Variants in FBN2 observed in about 807,000 individuals in gnomAD.
FBN2 encodes fibrillin-2.
In FBN2, 105 loss-of-function variants were observed where a neutral mutation model predicts 355.6. The ratio of observed to expected loss-of-function variants is 0.30; its 90% CI spans 0.25 to 0.35. The LOEUF is 0.35. Ranked by LOEUF, FBN2 falls within the 10% of genes least tolerant of loss-of-function variation. The pLI is 1.00. For synonymous variants in FBN2, 1,350 were observed against 1,301.2 expected (o/e 1.04, Z -0.81); for missense variants, 3,280 against 3,758.7 (o/e 0.87, Z 3.33).
intron 8 of FBN2, among the ~76,000 whole-genome samples, chr5:128,405,323 T>C (rs1263487253): frequency 6.6e-6 from 1 of 152,108 alleles, no homozygotes; most frequent in African/African-American, 2.4e-5. Flanking sequence ...CATGGCAGTG[T>C]GGTCTTGTAC....
intron 5 of FBN2, among the ~76,000 whole-genome samples, chr5:128,483,665 TG>T (rs1191484095): frequency 6.6e-6 from 1 of 152,046 alleles, no homozygotes; most frequent in Non-Finnish European, 1.5e-5. Flanking sequence ...ACACGTAAAA[TG>T]TAATGACTTT....
chr5:128,281,612 C>A (rs554603923), intron 55 of FBN2, among the ~76,000 whole-genome samples: 1 of 152,084 alleles, frequency 6.6e-6, no homozygotes, highest in Admixed American at 6.6e-5. Flanking sequence ...TCTTGGCTCA[C>A]CATTGGTCCA....
At chr5:128,306,656 GAGGAAGGAAGC>G (rs1468523939) in intron 42 of FBN2, among the ~76,000 whole-genome samples, 1 of 152,034 alleles carries the variant, frequency 6.6e-6, no homozygotes, top group Non-Finnish European at 1.5e-5. Flanking sequence ...TCAAATCTTT[GAGGAAGGAAGC>G]TAGAGTGAGC....
chr5:128,290,776 T>C lies in FBN2; in HGVS notation c.6401A>G (p.Glu2134Gly). 1 of 1,614,160 alleles carries C rather than the reference T, an allele frequency of 6.2e-7. No individual in the cohort carries two copies. Among genetic ancestry groups the C allele is most frequent in the Non-Finnish European group, 8.5e-7 (1 of 1,179,980 alleles). Reference sequence around the variant, plus strand: ...CAGCTCACAGGGGTCCCCCCAGCCCTCTCCTGGCATCTTACTACAGCAGCA... The same window carrying C: ...CAGCTCACAGGGGTCCCCCCAGCCCCCTCCTGGCATCTTACTACAGCAGCA... ...AKCCCSKMPG[E>G]GWGDPCELCP... Residue 2134 changes from glutamate to glycine, a missense_variant, in exon 50 of 65, where the codon GAG (glutamate) becomes GGG (glycine). Transcript: ENST00000262464.
intron 15 of FBN2, among the ~76,000 whole-genome samples, chr5:128,369,984 G>T (rs1222114878): frequency 6.6e-6 from 1 of 152,058 alleles, no homozygotes; most frequent in Admixed American, 6.6e-5. Flanking sequence ...TGGTCATTAC[G>T]TGCATTTTAT....
intron 6 of FBN2, among the ~76,000 whole-genome samples, chr5:128,463,514 G>A (rs1306499607): frequency 1.3e-5 from 2 of 151,906 alleles, no homozygotes; most frequent in East Asian, 1.9e-4. Context: ...TCCGTAGTTC[G>A]GATTCAAAAT....
intron 2 of FBN2, among the ~76,000 whole-genome samples, chr5:128,531,166 A>G (rs533569069): frequency 6.6e-6 from 1 of 152,258 alleles, no homozygotes; most frequent in African/African-American, 2.4e-5. Flanking sequence ...GGTGATATAT[A>G]TATATAACTG....
intron 5 of FBN2, among the ~76,000 whole-genome samples, chr5:128,511,757 G>C (rs1421951909): frequency 6.6e-6 from 1 of 152,132 alleles, no homozygotes; most frequent in Non-Finnish European, 1.5e-5. Flanking sequence ...AGGTAGGGTG[G>C]TCAAAGAAAG....
chr5:128,398,379 A>G (rs1371982404), intron 8 of FBN2, among the ~76,000 whole-genome samples: 1 of 150,012 alleles, frequency 6.7e-6, no homozygotes, highest in Admixed American at 6.7e-5. Context: ...ATAATTAAAT[A>G]TTAATTAATA....
At chr5:128,303,582 C>CA (rs1749778594) in intron 45 of FBN2, among the ~76,000 whole-genome samples, 1 of 152,004 alleles carries the variant, frequency 6.6e-6, no homozygotes, top group South Asian at 2.1e-4. Context: ...TATTAGCCTT[C>CA]AAAAAAACTG....
At chr5:128,464,499 C>T (rs555043191) in intron 6 of FBN2, among the ~76,000 whole-genome samples, 1 of 152,218 alleles carries the variant, frequency 6.6e-6, no homozygotes, top group South Asian at 2.1e-4. Flanking sequence ...TTTACATTTC[C>T]CCCAATTCTT....
At chr5:128,450,252 A>G (rs1193188254) in intron 6 of FBN2, among the ~76,000 whole-genome samples, 1 of 152,152 alleles carries the variant, frequency 6.6e-6, no homozygotes, top group Non-Finnish European at 1.5e-5. Context: ...AAGTGCCCAC[A>G]GAATATTTAC....
intron 5 of FBN2, among the ~76,000 whole-genome samples, chr5:128,495,545 C>T (rs992348125): frequency 6.6e-5 from 10 of 152,046 alleles, no homozygotes; most frequent in African/African-American, 2.4e-4. Context: ...CAACTGTCAA[C>T]AGCTGACTTT....
At chr5:128,424,792 A>G (rs1461590958) in intron 7 of FBN2, among the ~76,000 whole-genome samples, 1 of 152,148 alleles carries the variant, frequency 6.6e-6, no homozygotes, top group Non-Finnish European at 1.5e-5. Flanking sequence ...ATTTGCAGTA[A>G]CTCAGGCATG....
rs1554115161 is a variant in FBN2, at chr5:128,259,522, T to C, written c.8672A>G (p.Glu2891Gly). The change falls in exon 65 of 65, where the codon GAG (glutamate) becomes GGG (glycine). Residue 2891 changes from glutamate to glycine, a missense_variant. Glu to Gly is a moderately conservative substitution (Grantham distance 98, BLOSUM62 -2). This residue lies in a region of FBN2 where 311 missense variants were observed against 319.1 expected (regional missense o/e 0.97). Coordinates refer to ENST00000262464, the MANE Select transcript of FBN2 (RefSeq NM_001999.4). ...AAGCTCCCCTAGGAGGTAGTCATCC[T>C]CATTGCTCTCTTCCAGTTTCTTAAG... Reference protein sequence around the residue: ...KELKKLEESNEDDYLLGELGE... With the variant: ...KELKKLEESNGDDYLLGELGE... 8 of 1,614,064 alleles carry C rather than the reference T, an allele frequency of 5.0e-6. No homozygotes were observed. Among genetic ancestry groups the C allele is most frequent in the Non-Finnish European group, 6.8e-6 (8 of 1,179,998 alleles).
rs981984045 is a variant in FBN2, at chr5:128,374,554, T to C, written c.2095+74A>G. On this transcript the variant is annotated intron_variant, in intron 15 of 64. Coordinates refer to ENST00000262464, the MANE Select transcript of FBN2 (RefSeq NM_001999.4). ...CTTCTTATGGTGAATATTACTCCAC[T>C]GTATAGAAATATCTCTGTCAGTTTT... 2.5e-6 allele frequency: 4 copies of C among 1,580,392 alleles called. No homozygotes were observed. In the African/African-American group the frequency reaches 5.4e-5, roughly 21 times the overall value.
intron 12 of FBN2, among the ~76,000 whole-genome samples, 159 bp from the exon 13 acceptor site, chr5:128,378,036 G>T (rs1403303516): frequency 9.0e-5 from 13 of 143,876 alleles, no homozygotes; most frequent in African/African-American, 3.1e-4. Flanking sequence ...GGATAGGTAG[G>T]TGCAAGCAAT....
intron 64 of FBN2, among the ~76,000 whole-genome samples, chr5:128,260,265 C>A (rs1323535925): frequency 6.6e-6 from 1 of 151,890 alleles, no homozygotes; most frequent in Non-Finnish European, 1.5e-5. Flanking sequence ...CCAGGGGAAT[C>A]TTCTGTCTGA....
chr5:128,292,946 T>G (rs1450257759), intron 48 of FBN2, among the ~76,000 whole-genome samples: 1 of 152,174 alleles, frequency 6.6e-6, no homozygotes, highest in African/African-American at 2.4e-5. Flanking sequence ...TATAAGGATG[T>G]CTTCACAAAA....
Sources: gnomAD v4.1 joint callset for allele counts (sites outside exome capture counted in the v4.1 genomes callset) on GRCh38, gnomAD v4.1.1 for gene constraint, gnomAD v4.1.1 regional missense constraint, MANE v1.5 for transcripts, NCBI Gene and HGNC (gene_info 2026-07-23, HGNC 2026-07-21) for gene names.